TBC1D8B: variants seen among roughly 807,000 people sequenced by gnomAD.
TBC1D8B encodes the protein RP11-321G1.1.
In TBC1D8B, 75 loss-of-function variants were observed where a neutral mutation model predicts 82.9. That is an observed-to-expected ratio of 0.90 (90% CI 0.75 to 1.10). The LOEUF is 1.10. Ranked by LOEUF, TBC1D8B falls within the 50% of genes least tolerant of loss-of-function variation. TBC1D8B has a pLI of 0.00. For synonymous variants in TBC1D8B, 276 were observed against 276.8 expected, an observed-to-expected ratio of 1.00 and a Z score of 0.03; for missense variants, 794 against 796.9, an observed-to-expected ratio of 1.00 and a Z score of 0.04.
intron 1 of TBC1D8B, among the ~76,000 whole-genome samples, chrX:106,809,811 G>A (rs1264750592): frequency 2.8e-5 from 3 of 106,013 alleles, no homozygotes; most frequent in Non-Finnish European, 3.9e-5. Context: ...TGGAACCCAC[G>A]AGGCGGAGGT....
At position 106,844,482 on chromosome X, in the gene TBC1D8B, TATATATATATAAAC is replaced by T. The variant is rs200115947; in HGVS notation, c.1719+3624_1719+3637del. On this transcript the variant is annotated intron_variant, in intron 10 of 20. Coordinates refer to ENST00000357242, the MANE Select transcript of TBC1D8B (RefSeq NM_017752.3). Reference sequence around the variant, plus strand: ...ATGATCATGTTATTTTTTCCATATATATATATATATAAACATATATATATAAACATATATATATA... The same window carrying T: ...ATGATCATGTTATTTTTTCCATATATATATATATATAAACATATATATATA... 9.3e-3 allele frequency among the ~76,000 whole-genome samples: 971 copies of T among 103,959 alleles called. 19 individuals are homozygous for T. Among genetic ancestry groups the T allele is most frequent in the African/African-American group, 0.032 (892 of 27,858 alleles). The allele number at this position is 103,959 out of a possible 115,157, so 90.3% of individuals were successfully genotyped here.
chrX:106,870,887 C>G (rs900470759), intron 20 of TBC1D8B, 74 bp downstream of exon 20: 9 of 620,371 alleles, frequency 1.5e-5, no homozygotes, highest in Non-Finnish European at 2.2e-5. Flanking sequence ...TCTAAAATAG[C>G]TAACATGCTA....
At position 106,827,143 on chromosome X, in the gene TBC1D8B, T is replaced by C. The variant is rs367558152; in HGVS notation, c.1036-27T>C. ...GTGTCAACAATAAAGGAAAATTTAA[T>C]TGACCTCTATGTTTTTCACCCCCTA... On this transcript the variant is annotated intron_variant, in intron 6 of 20. Coordinates refer to ENST00000357242, the MANE Select transcript of TBC1D8B (RefSeq NM_017752.3). The C allele has an allele frequency of 4.2e-6, 5 of 1,189,842 alleles. No individual in the cohort carries two copies. The African/African-American group carries it at 7.1e-5, about 17-fold the overall frequency.
chrX:106,855,052 G>C (rs1391708260), intron 14 of TBC1D8B, among the ~76,000 whole-genome samples: 1 of 112,179 alleles, frequency 8.9e-6, no homozygotes, highest in Non-Finnish European at 1.9e-5. Context: ...TAGATTGCTG[G>C]TCAGAAGGAG....
rs955142689 is a variant in TBC1D8B at position 106,807,790 on chromosome X, C to T, written c.130+4807C>T. Among the ~76,000 whole-genome samples, 4 of 111,562 alleles carry T rather than the reference C, an allele frequency of 3.6e-5. No individual in the cohort carries two copies. The East Asian group carries it at 1.1e-3, about 32-fold the overall frequency. ...AAACCAGGCTGGGCACAGTGGCTCA[C>T]GCCTGTAATCCCAGTACTTTGGGAG... On this transcript the variant is annotated intron_variant, in intron 1 of 20. Transcript: ENST00000357242.
At chrX:106,805,072 C>CTT (rs11432144) in intron 1 of TBC1D8B, among the ~76,000 whole-genome samples, 11,337 of 53,647 alleles carry the variant, frequency 0.21, 1,885 homozygotes, top group Middle Eastern at 0.26. Context: ...TGCAAGTTTC[C>CTT]TTTTTTTTTT....
chrX:106,830,174 G>A (rs982427753), intron 7 of TBC1D8B: 15 of 112,285 alleles, frequency 1.3e-4, no homozygotes, highest in African/African-American at 3.2e-5. Context: ...CATTTATGCA[G>A]CCAAAGAACA....
At chrX:106,813,311 T>A (rs1931434145) in intron 1 of TBC1D8B, among the ~76,000 whole-genome samples, 1 of 112,177 alleles carries the variant, frequency 8.9e-6, no homozygotes, top group African/African-American at 3.2e-5. Flanking sequence ...AGGGACTTGA[T>A]GATGATTACA....
chrX:106,841,560 T>C (rs1932308603), intron 10 of TBC1D8B, among the ~76,000 whole-genome samples: 1 of 111,959 alleles, frequency 8.9e-6, no homozygotes, highest in Middle Eastern at 4.6e-3. Context: ...AATTTTATTT[T>C]ATAGGCAGTG....
At chrX:106,830,608 T>C (rs1242781789) in intron 7 of TBC1D8B, among the ~76,000 whole-genome samples, 1 of 110,373 alleles carries the variant, frequency 9.1e-6, no homozygotes, top group Non-Finnish European at 1.9e-5. Context: ...TGGAATACTA[T>C]GCAGCCTTAA....
intron 14 of TBC1D8B, among the ~76,000 whole-genome samples, chrX:106,854,713 A>G (rs1932663661): frequency 9.1e-6 from 1 of 110,221 alleles, no homozygotes; most frequent in Non-Finnish European, 1.9e-5. Flanking sequence ...ATAGGGTCTC[A>G]GTATGTTTCC....
intron 7 of TBC1D8B, among the ~76,000 whole-genome samples, chrX:106,837,925 G>A (rs1346059189): frequency 9.0e-6 from 1 of 111,242 alleles, no homozygotes; most frequent in Non-Finnish European, 1.9e-5. Flanking sequence ...AAACATAGGG[G>A]TATAATTTAT....
intron 7 of TBC1D8B, chrX:106,828,062 AAAG>A (rs1931905304): frequency 8.9e-6 from 1 of 111,822 alleles, no homozygotes; most frequent in African/African-American, 3.3e-5. Context: ...ATAAAGAAAA[AAAG>A]AGAGAAGAAT....
At chrX:106,840,435 T>C (rs1436829730) in intron 9 of TBC1D8B, among the ~76,000 whole-genome samples, 1 of 111,380 alleles carries the variant, frequency 9.0e-6, no homozygotes, top group Non-Finnish European at 1.9e-5. Context: ...ACTGGGGGAA[T>C]CTTTAGTGTC....
intron 20 of TBC1D8B, 104 bp downstream of exon 20, chrX:106,870,917 A>G (rs1285755918): frequency 1.2e-5 from 6 of 480,054 alleles, no homozygotes; most frequent in Non-Finnish European, 2.0e-5. Flanking sequence ...TAGTTAAATA[A>G]TCTATCTATT....
intron 5 of TBC1D8B, among the ~76,000 whole-genome samples, chrX:106,823,910 T>C (rs185638555): frequency 2.7e-5 from 3 of 111,402 alleles, no homozygotes; most frequent in Non-Finnish European, 5.7e-5. Context: ...GCATGGACTT[T>C]AGAATGAAAG....
At chrX:106,811,856 T>A (rs5962757) in intron 1 of TBC1D8B, among the ~76,000 whole-genome samples, 7,115 of 111,419 alleles carry the variant, frequency 0.064, 597 homozygotes, top group African/African-American at 0.22. Flanking sequence ...TTAGAAATGT[T>A]TCTGGGTTTG....
In TBC1D8B at chrX:106,823,240, T is replaced by A; in HGVS notation, c.601T>A (p.Ser201Thr). The part of the protein sequence containing the change: ...LLGSEIKLII[S>T]WDEVSKLEKT... ...CTTATTTGCAGTAAAACTCATTATC[T>A]CCTGGGATGAAGTCTCAAAACTTGA... is the stretch of plus-strand genomic sequence containing the variant. Residue 201 changes from serine (S) to threonine (T), a missense_variant, in exon 5 of 21, where the codon TCC becomes ACC. By Grantham distance (58) the Ser-to-Thr change is moderately conservative. Coordinates refer to ENST00000357242, the MANE Select transcript of TBC1D8B (RefSeq NM_017752.3). The A allele has an allele frequency of 8.3e-7, 1 of 1,207,804 alleles. No homozygotes were observed. Among genetic ancestry groups the A allele is most frequent in the South Asian group, 1.8e-5 (1 of 56,720 alleles).
At chrX:106,820,546 G>A (rs907950860) in intron 2 of TBC1D8B, among the ~76,000 whole-genome samples, 2 of 111,258 alleles carry the variant, frequency 1.8e-5, no homozygotes, top group Non-Finnish European at 1.9e-5. Context: ...TGTATTTTCT[G>A]GTACTCTACA....
Sources: gnomAD v4.1 joint callset for allele counts (sites outside exome capture counted in the v4.1 genomes callset) on GRCh38, gnomAD v4.1.1 for gene constraint, MANE v1.5 for transcripts, NCBI Gene and HGNC (gene_info 2026-07-23, HGNC 2026-07-21) for gene names.